The following MAP3K7CL variants were observed in gnomAD, a reference collection of about 807,000 sequenced individuals.
The protein encoded by MAP3K7CL is MAP3K7 C-terminal-like protein.
MAP3K7CL carries 16 observed loss-of-function variants against 18.6 expected under a neutral mutation model. The observed-to-expected ratio is 0.86, with a 90% confidence interval of 0.58 to 1.31. The LOEUF is 1.31. Among genes scored for constraint, MAP3K7CL ranks in the 50% most tolerant of loss-of-function variants. The pLI is 0.00. For synonymous variants in MAP3K7CL, 65 were observed against 66.8 expected (o/e 0.97, Z 0.13); for missense variants, 163 against 174.4 (o/e 0.93, Z 0.37).
intron 4 of MAP3K7CL, among the ~76,000 whole-genome samples, chr21:29,174,133 C>T (rs1239280716): frequency 6.6e-6 from 1 of 152,150 alleles, no homozygotes; most frequent in African/African-American, 2.4e-5. Flanking sequence ...TCTGGAGTCA[C>T]GTCAGCATCA....
intron 3 of MAP3K7CL, among the ~76,000 whole-genome samples, chr21:29,158,577 TCAGA>T (rs747452177): frequency 3.3e-5 from 5 of 152,188 alleles, no homozygotes; most frequent in Non-Finnish European, 7.4e-5. Context: ...TATCTATCAA[TCAGA>T]CAGTAAACTT....
chr21:29,157,522 TTTTAGG>T, intron 3 of MAP3K7CL, among the ~76,000 whole-genome samples: 1 of 152,284 alleles, frequency 6.6e-6, no homozygotes, highest in Admixed American at 6.5e-5. Context: ...ATACAAAGTA[TTTTAGG>T]CTTATTCTTT....
At chr21:29,128,543 C>A (rs1347251961), upstream of MAP3K7CL, among the ~76,000 whole-genome samples, 1 of 152,014 alleles carries the variant, frequency 6.6e-6, no homozygotes, top group Non-Finnish European at 1.5e-5. Context: ...ACCTCATGAT[C>A]TGCCTGCCTC....
At chr21:29,083,271 G>A (rs2085867099), upstream of MAP3K7CL, among the ~76,000 whole-genome samples, 1 of 150,684 alleles carries the variant, frequency 6.6e-6, no homozygotes, top group South Asian at 2.1e-4. Flanking sequence ...AAAAATTTAT[G>A]TTTGAGCAAA....
intron 4 of MAP3K7CL, among the ~76,000 whole-genome samples, chr21:29,101,734 A>G (rs1351880405): frequency 6.6e-6 from 1 of 152,178 alleles, no homozygotes; most frequent in East Asian, 1.9e-4. Context: ...TCAGTGACTT[A>G]GATGATGATA....
chr21:29,153,872 C>G (rs1003093530), intron 3 of MAP3K7CL, among the ~76,000 whole-genome samples: 4 of 152,208 alleles, frequency 2.6e-5, no homozygotes, highest in Non-Finnish European at 4.4e-5. Flanking sequence ...ACTGCTTAAG[C>G]ATGTTATGTT....
At chr21:29,171,061 C>A (rs1352510679) in intron 4 of MAP3K7CL, among the ~76,000 whole-genome samples, 1 of 151,738 alleles carries the variant, frequency 6.6e-6, no homozygotes, top group East Asian at 1.9e-4. Flanking sequence ...TGCTTAGGGA[C>A]ACAAAACTCT....
intron 4 of MAP3K7CL, among the ~76,000 whole-genome samples, chr21:29,099,042 G>A (rs1352777927): frequency 6.6e-6 from 1 of 152,060 alleles, no homozygotes; most frequent in African/African-American, 2.4e-5. Flanking sequence ...TTAGGGCAGT[G>A]GTTCACTCAT....
At chr21:29,109,026 C>A in intron 4 of MAP3K7CL, 1 of 1,513,224 alleles carries the variant, frequency 6.6e-7, no homozygotes, top group Non-Finnish European at 8.8e-7. Flanking sequence ...TCAGAAAATT[C>A]TACTTCCTAC....
At chr21:29,105,083 G>C (rs1387863896) in intron 4 of MAP3K7CL, among the ~76,000 whole-genome samples, 2 of 152,184 alleles carry the variant, frequency 1.3e-5, no homozygotes, top group African/African-American at 4.8e-5. Flanking sequence ...CAAATGGCAG[G>C]AGCTGTCTGA....
At chr21:29,149,400 A>G (rs2087218478) in intron 3 of MAP3K7CL, 150 bp downstream of exon 3, 4 of 694,562 alleles carry the variant, frequency 5.8e-6, no homozygotes, top group Admixed American at 2.5e-5. Context: ...TAGAGCTCCA[A>G]AGTCAGGCTG....
intron 4 of MAP3K7CL, among the ~76,000 whole-genome samples, chr21:29,106,190 C>T (rs1252272866): frequency 6.6e-6 from 1 of 151,362 alleles, no homozygotes; most frequent in African/African-American, 2.4e-5. Context: ...GAAAACGGCA[C>T]TTTTTTTTTG....
chr21:29,137,993 G>C (rs1244714514), intron 2 of MAP3K7CL, among the ~76,000 whole-genome samples: 2 of 152,198 alleles, frequency 1.3e-5, no homozygotes, highest in African/African-American at 4.8e-5. Context: ...AATGTAATGG[G>C]ATGACTTAAT....
intron 1 of MAP3K7CL, among the ~76,000 whole-genome samples, chr21:29,090,692 T>C (rs1436144340): frequency 6.6e-6 from 1 of 152,000 alleles, no homozygotes; most frequent in South Asian, 2.1e-4. Flanking sequence ...TCTTTGTTAA[T>C]AGAAAAATCA....
Position 29,088,519 on chromosome 21 carries a change from C to T in MAP3K7CL, c.57+2602C>T, listed in dbSNP as rs575534299. 1.0e-3 allele frequency among the ~76,000 whole-genome samples: 154 copies of T among 152,248 alleles called. 1 individual carries two copies. The highest frequency in any genetic ancestry group is 5.0e-3 in the South Asian group (24 of 4,820). On this transcript the variant is annotated intron_variant, in intron 1 of 6. Transcript: ENST00000286791. ...CACACTGCAAAGTTTAATTTAACCA[C>T]GCTAGTTTTGTTTAATAGGTTAAAA...
intron 3 of MAP3K7CL, among the ~76,000 whole-genome samples, chr21:29,157,119 T>C (rs536723360): frequency 9.2e-5 from 14 of 152,324 alleles, no homozygotes; most frequent in Non-Finnish European, 1.6e-4. Flanking sequence ...ATTTTTTTCT[T>C]ATTATGGGTA....
intron 3 of MAP3K7CL, 97 bp from the exon 4 acceptor site, chr21:29,159,844 G>A (rs575207022): frequency 3.5e-5 from 30 of 855,978 alleles, no homozygotes; most frequent in Admixed American, 3.1e-4. Context: ...AAAAGAAGAA[G>A]AAAAAACCTT....
chr21:29,124,942 T>C (rs920227177), intron 4 of MAP3K7CL, among the ~76,000 whole-genome samples: 1 of 152,156 alleles, frequency 6.6e-6, no homozygotes, highest in Non-Finnish European at 1.5e-5. Context: ...AATATTTATC[T>C]CCTGGCCCTC....
chr21:29,109,925 C>A, intron 4 of MAP3K7CL: 1 of 362,790 alleles, frequency 2.8e-6, no homozygotes, highest in Non-Finnish European at 3.8e-6. Flanking sequence ...ATTAATCTAG[C>A]AATGTGTAGT....
Sources: gnomAD v4.1 joint callset for allele counts (sites outside exome capture counted in the v4.1 genomes callset) on GRCh38, gnomAD v4.1.1 for gene constraint, MANE v1.5 for transcripts, NCBI Gene and HGNC (gene_info 2026-07-23, HGNC 2026-07-21) for gene names.